SEPTIN14: variants seen among roughly 807,000 people sequenced by gnomAD.
SEPTIN14 encodes septin 14, also known as septin-14.
SEPTIN14 carries 40 observed loss-of-function variants against 53.6 expected under a neutral mutation model. That is an observed-to-expected ratio of 0.75 (90% confidence interval 0.58 to 0.97). The LOEUF is 0.97. Ranked by LOEUF, SEPTIN14 falls within the 50% of genes least tolerant of loss-of-function variation. SEPTIN14 has a pLI of 0.00. For synonymous variants in SEPTIN14, 138 were observed against 166.8 expected (o/e 0.83, Z 1.33); for missense variants, 471 against 508.2 (o/e 0.93, Z 0.70).
chr7:55,825,931 T>A (rs1289750131), intron 6 of SEPTIN14, among the ~76,000 whole-genome samples: 1 of 151,958 alleles, frequency 6.6e-6, no homozygotes, highest in Non-Finnish European at 1.5e-5. Flanking sequence ...TGAAACCCCA[T>A]CTCTAATCAA....
chr7:55,813,080 G>T (rs559194902), intron 7 of SEPTIN14, among the ~76,000 whole-genome samples: 2 of 152,122 alleles, frequency 1.3e-5, no homozygotes, highest in East Asian at 3.9e-4. Context: ...CTCCCAAGTA[G>T]CTGGGACTAC....
chr7:55,846,286 C>T (rs142405391), intron 3 of SEPTIN14, among the ~76,000 whole-genome samples: 1,560 of 148,354 alleles, frequency 0.011, 12 homozygotes, highest in Middle Eastern at 0.033. Context: ...TGAGCCCAGG[C>T]GGCTGAGGCT....
At chr7:55,841,037 T>C in intron 5 of SEPTIN14, among the ~76,000 whole-genome samples, 1 of 152,132 alleles carries the variant, frequency 6.6e-6, no homozygotes, top group Non-Finnish European at 1.5e-5. Context: ...GCAGCTGGGA[T>C]TACAGGCGCC....
chr7:55,843,822 A>G (rs973877620), intron 4 of SEPTIN14, among the ~76,000 whole-genome samples: 2 of 151,940 alleles, frequency 1.3e-5, no homozygotes, highest in African/African-American at 2.4e-5. Flanking sequence ...ACAGAGCAAG[A>G]CTCCATCTCA....
chr7:55,819,513 C>T (rs1424863436), intron 6 of SEPTIN14, among the ~76,000 whole-genome samples: 14 of 152,050 alleles, frequency 9.2e-5, no homozygotes, highest in Admixed American at 4.6e-4. Context: ...GGCGTGAACC[C>T]GGAAGGTGGA....
chr7:55,852,553 A>T (rs1373198859), intron 2 of SEPTIN14, among the ~76,000 whole-genome samples: 2 of 152,202 alleles, frequency 1.3e-5, no homozygotes, highest in Non-Finnish European at 2.9e-5. Context: ...TGAATTAAAG[A>T]CATAAATCTA....
At chr7:55,844,912 C>CA (rs1789375717) in intron 3 of SEPTIN14, among the ~76,000 whole-genome samples, 194 bp from the exon 4 acceptor site, 2 of 145,874 alleles carry the variant, frequency 1.4e-5, no homozygotes. Flanking sequence ...TACAAAGTTT[C>CA]TTTTTTTTTT....
intron 9 of SEPTIN14, among the ~76,000 whole-genome samples, chr7:55,802,287 G>T (rs1312767645): frequency 1.3e-5 from 2 of 152,118 alleles, no homozygotes; most frequent in Non-Finnish European, 2.9e-5. Context: ...TTACAGGCAT[G>T]AGCCACCTCG....
chr7:55,840,039 G>C (rs1409814072), intron 5 of SEPTIN14, among the ~76,000 whole-genome samples: 1 of 151,314 alleles, frequency 6.6e-6, no homozygotes, highest in African/African-American at 2.4e-5. Flanking sequence ...CAGCTACCCA[G>C]GAGGCTGAGG....
intron 2 of SEPTIN14, among the ~76,000 whole-genome samples, chr7:55,855,287 CG>C (rs1407758978): frequency 6.6e-6 from 1 of 152,132 alleles, no homozygotes; most frequent in Non-Finnish European, 1.5e-5. Context: ...GGATTACAGG[CG>C]TGAGCCACGG....
chr7:55,849,170 C>T (rs1584271945), intron 2 of SEPTIN14, among the ~76,000 whole-genome samples: 1 of 151,180 alleles, frequency 6.6e-6, no homozygotes, highest in Non-Finnish European at 1.5e-5. Flanking sequence ...ACTAAATATA[C>T]AAAAATGAAC....
chr7:55,811,593 C>A (rs1788707207), intron 7 of SEPTIN14, among the ~76,000 whole-genome samples: 1 of 150,396 alleles, frequency 6.6e-6, no homozygotes, highest in Non-Finnish European at 1.5e-5. Context: ...CCTCCGCCTC[C>A]CAGGTTCAAG....
In SEPTIN14 at chr7:55,834,420, C is replaced by T; in HGVS notation, c.720+5G>A. ...CTCTTTGTCAGATATGTTACTGAAA[C>T]TTACACTAACTGAGGAGTTCGCTTG... is the stretch of plus-strand genomic sequence containing the variant. On this transcript the variant is annotated splice_donor_5th_base_variant and intron_variant, in intron 6 of 9. Transcript: ENST00000388975. The T allele has an allele frequency of 6.3e-7, 1 of 1,597,892 alleles. No individual in the cohort carries two copies. The highest frequency in any genetic ancestry group is 1.1e-5 in the South Asian group (1 of 87,688).
intron 5 of SEPTIN14, among the ~76,000 whole-genome samples, chr7:55,835,172 AC>A (rs1332767702): frequency 1.3e-5 from 2 of 151,796 alleles, no homozygotes; most frequent in Non-Finnish European, 2.9e-5. Flanking sequence ...AAATAGTAGG[AC>A]AATGTAAATT....
At chr7:55,826,879 G>A (rs886353536) in intron 6 of SEPTIN14, among the ~76,000 whole-genome samples, 11 of 151,514 alleles carry the variant, frequency 7.3e-5, no homozygotes, top group African/African-American at 1.9e-4. Context: ...CTGAGAGCCC[G>A]GCTCCCAGAT....
At chr7:55,851,048 G>C (rs1353898641) in intron 2 of SEPTIN14, 1 of 152,176 alleles carries the variant, frequency 6.6e-6, no homozygotes, top group East Asian at 1.9e-4. Context: ...TTGCACGCCA[G>C]CCTGGGCCAC....
At chr7:55,839,391 G>GAA (rs749527309) in intron 5 of SEPTIN14, among the ~76,000 whole-genome samples, 1,797 of 82,504 alleles carry the variant, frequency 0.022, 44 homozygotes, top group African/African-American at 0.073. Context: ...CTCCGTCTCA[G>GAA]AAAAAAAAAA....
intron 9 of SEPTIN14, among the ~76,000 whole-genome samples, chr7:55,803,056 G>C: frequency 6.6e-6 from 1 of 151,730 alleles, no homozygotes; most frequent in East Asian, 1.9e-4. Context: ...TCCTACCTCA[G>C]CCTCCCGATT....
chr7:55,841,280 A>AGGTTAC (rs1789307197), intron 5 of SEPTIN14, among the ~76,000 whole-genome samples: 1 of 152,128 alleles, frequency 6.6e-6, no homozygotes, highest in Non-Finnish European at 1.5e-5. Flanking sequence ...ACATATATTG[A>AGGTTAC]ATATTAGTGA....
Sources: allele counts gnomAD v4.1 joint callset (sites outside exome capture counted in the v4.1 genomes callset), GRCh38; gene constraint gnomAD v4.1.1; transcripts MANE v1.5; gene names NCBI Gene and HGNC (gene_info 2026-07-23, HGNC 2026-07-21).